COL19A1: variants seen among roughly 807,000 people sequenced by gnomAD.
The protein encoded by COL19A1 is collagen alpha-1(XIX) chain.
Under a neutral mutation model 190.2 loss-of-function variants are expected in COL19A1, and 159 were observed. The observed-to-expected ratio is 0.84, with a 90% CI of 0.73 to 0.95. The LOEUF is 0.95. Among genes scored for constraint, COL19A1 ranks in the 40% least tolerant of loss-of-function variants. The pLI is 0.00. For missense variants in COL19A1, 1,418 were observed against 1,431.9 expected, an observed-to-expected ratio of 0.99 and a Z score of 0.16; for synonymous variants, 509 against 458.9, an observed-to-expected ratio of 1.11 and a Z score of -1.39.
At chr6:70,039,419 C>T (rs1779519410) in intron 14 of COL19A1, among the ~76,000 whole-genome samples, 1 of 152,308 alleles carries the variant, frequency 6.6e-6, no homozygotes, top group South Asian at 2.1e-4. Context: ...AATTTGCTTC[C>T]TGATTACTTC....
At chr6:70,104,798 T>C (rs1783854092) in intron 16 of COL19A1, among the ~76,000 whole-genome samples, 1 of 152,214 alleles carries the variant, frequency 6.6e-6, no homozygotes, top group Non-Finnish European at 1.5e-5. Flanking sequence ...AGGCTAATTG[T>C]TGTCTCAAAG....
chr6:69,893,847 A>G (rs1769533889), intron 2 of COL19A1, among the ~76,000 whole-genome samples: 1 of 152,186 alleles, frequency 6.6e-6, no homozygotes, highest in Non-Finnish European at 1.5e-5. Context: ...GGTCTCCACA[A>G]TCCTTTATCT....
At chr6:70,027,325 C>G (rs900513231) in intron 12 of COL19A1, among the ~76,000 whole-genome samples, 1 of 152,154 alleles carries the variant, frequency 6.6e-6, no homozygotes, top group Non-Finnish European at 1.5e-5. Flanking sequence ...TGGGCCAGCT[C>G]ACTTTGGAAA....
At position 70,168,083 on chromosome 6, in the gene COL19A1, TATTTGTA is replaced by T; in HGVS notation, c.2496+12_2496+18del. The T allele has an allele frequency of 6.3e-7, 1 of 1,583,364 alleles. No individual in the cohort carries two copies. The highest frequency in any genetic ancestry group is 2.3e-5 in the East Asian group (1 of 43,366). On this transcript the variant is annotated intron_variant, in intron 38 of 50. Coordinates refer to ENST00000620364, the MANE Select transcript of COL19A1 (RefSeq NM_001858.6). ...AGTTTATATAAAATTAAGGTATTTA[TATTTGTA>T]ATTATTTAAAATCCAGTTATAGACT...
At position 70,060,375 on chromosome 6, in the gene COL19A1, A is replaced by G. The variant is rs1392043222; in HGVS notation, c.1171-8048A>G. On this transcript the variant is annotated intron_variant, in intron 14 of 50. Coordinates refer to ENST00000620364, the MANE Select transcript of COL19A1 (RefSeq NM_001858.6). ...AAAAAAATGAGCCTGTATCCTCTAC[A>G]GCAGGGGTCCCCAACCCCCGGGAAA... 2.0e-5 allele frequency among the ~76,000 whole-genome samples: 3 copies of G among 152,144 alleles called. No homozygotes were observed. The East Asian group carries it at 5.8e-4, about 29-fold the overall frequency.
chr6:69,866,894 T>C (rs1767480321), intron 1 of COL19A1, among the ~76,000 whole-genome samples: 1 of 152,154 alleles, frequency 6.6e-6, no homozygotes, highest in Non-Finnish European at 1.5e-5. Context: ...ACCATGTAGT[T>C]CGTGTTCCTA....
At chr6:70,075,686 G>A (rs993215127) in intron 15 of COL19A1, among the ~76,000 whole-genome samples, 2 of 151,918 alleles carry the variant, frequency 1.3e-5, no homozygotes, top group Non-Finnish European at 2.9e-5. Context: ...CAGTGTGCCT[G>A]TGTCTCCTTG....
chr6:70,176,802 T>C (rs1562245987), intron 42 of COL19A1, among the ~76,000 whole-genome samples: 1 of 152,226 alleles, frequency 6.6e-6, no homozygotes, highest in Non-Finnish European at 1.5e-5. Flanking sequence ...GTCACTTTCA[T>C]GGAGGGGAGA....
chr6:70,199,217 T>A (rs1280965967), intron 48 of COL19A1, among the ~76,000 whole-genome samples: 2 of 152,220 alleles, frequency 1.3e-5, no homozygotes, highest in Non-Finnish European at 2.9e-5. Flanking sequence ...ATATTTTAAA[T>A]CACCACACAT....
intron 16 of COL19A1, among the ~76,000 whole-genome samples, chr6:70,116,957 G>T (rs1003964211): frequency 3.3e-5 from 5 of 152,196 alleles, no homozygotes; most frequent in African/African-American, 1.2e-4. Flanking sequence ...TCCAATAGGA[G>T]ATTGAAGAGC....
At chr6:69,892,854 G>A (rs1336639761) in intron 2 of COL19A1, among the ~76,000 whole-genome samples, 1 of 152,166 alleles carries the variant, frequency 6.6e-6, no homozygotes, top group African/African-American at 2.4e-5. Context: ...CTAAGCCTTG[G>A]TAAAACAACC....
chr6:69,937,909 C>G, intron 8 of COL19A1, 129 bp from the exon 9 acceptor site: 1 of 762,482 alleles, frequency 1.3e-6, no homozygotes, highest in South Asian at 1.9e-5. Flanking sequence ...CACTATTCCT[C>G]ACTCTAAGCA....
intron 23 of COL19A1, among the ~76,000 whole-genome samples, chr6:70,143,090 T>G (rs1376559261): frequency 2.6e-5 from 4 of 152,142 alleles, no homozygotes; most frequent in African/African-American, 9.7e-5. Flanking sequence ...TTGGACATGC[T>G]TGTCAGTGCT....
At chr6:69,999,388 G>T (rs1434786765) in intron 11 of COL19A1, among the ~76,000 whole-genome samples, 1 of 152,006 alleles carries the variant, frequency 6.6e-6, no homozygotes, top group African/African-American at 2.4e-5. Flanking sequence ...TTTTTAAATA[G>T]CTAGATGTCA....
At chr6:70,095,580 A>G (rs1163852235) in intron 15 of COL19A1, among the ~76,000 whole-genome samples, 1 of 152,220 alleles carries the variant, frequency 6.6e-6, no homozygotes, top group Non-Finnish European at 1.5e-5. Context: ...ACTTTTAAGT[A>G]TACACTTCAG....
intron 11 of COL19A1, among the ~76,000 whole-genome samples, chr6:69,971,687 C>T (rs1265504152): frequency 1.3e-5 from 2 of 152,146 alleles, no homozygotes; most frequent in African/African-American, 2.4e-5. Flanking sequence ...GGAATTCCCA[C>T]TAAAATCAAG....
rs78490606 is a variant in COL19A1, at chr6:69,971,450, A to T, written c.1026+8580A>T. On this transcript the variant is annotated intron_variant, in intron 11 of 50. Coordinates refer to ENST00000620364, the MANE Select transcript of COL19A1 (RefSeq NM_001858.6). Reference sequence around the variant, plus strand: ...GGCCATGCAGAAAAACCCTCACGAGAACTAGCTGTGAAGAGGACAACAGCC... The same window carrying T: ...GGCCATGCAGAAAAACCCTCACGAGTACTAGCTGTGAAGAGGACAACAGCC... Among the ~76,000 whole-genome samples the T allele has an allele frequency of 2.3e-3, 354 of 152,298 alleles. 2 individuals are homozygous for T. The highest frequency in any genetic ancestry group is 8.0e-3 in the African/African-American group (334 of 41,572).
chr6:70,016,905 C>A (rs1778142242), intron 11 of COL19A1, among the ~76,000 whole-genome samples: 1 of 151,938 alleles, frequency 6.6e-6, no homozygotes, highest in African/African-American at 2.4e-5. Context: ...TAATACACTG[C>A]TGATGGGAAT....
chr6:70,100,850 G>T (rs1292608817), intron 15 of COL19A1, among the ~76,000 whole-genome samples: 1 of 152,094 alleles, frequency 6.6e-6, no homozygotes, highest in East Asian at 1.9e-4. Flanking sequence ...AGAAAAGGCT[G>T]CTGTTTTCAT....
Sources: allele counts gnomAD v4.1 joint callset (sites outside exome capture counted in the v4.1 genomes callset), GRCh38; gene constraint gnomAD v4.1.1; transcripts MANE v1.5; gene names NCBI Gene and HGNC (gene_info 2026-07-23, HGNC 2026-07-21).